Variants in FAM193A observed in about 807,000 individuals in gnomAD.
FAM193A encodes protein FAM193A.
Under a neutral mutation model 126.5 loss-of-function variants are expected in FAM193A, and 22 were observed. The observed-to-expected ratio is 0.17, with a 90% CI of 0.12 to 0.25. FAM193A has a LOEUF of 0.25. Among genes scored for constraint, FAM193A ranks in the 10% least tolerant of loss-of-function variants. FAM193A has a pLI of 1.00. For synonymous variants in FAM193A, 761 were observed against 646.8 expected (o/e 1.18, Z -2.68); for missense variants, 1,675 against 1,672.8 (o/e 1.00, Z -0.02).
intron 7 of FAM193A, among the ~76,000 whole-genome samples, chr4:2,649,243 G>A (rs113483738): frequency 6.7e-4 from 102 of 151,690 alleles, no homozygotes; most frequent in African/African-American, 2.4e-3. Flanking sequence ...GCTGGGTGCC[G>A]TGTGTTTGTG....
chr4:2,720,525 AC>A lies in FAM193A; in HGVS notation c.4454+4423del, dbSNP rs557720822. ...TAATTAGCCAGGTGTGGTGACATGC[AC>A]CTGTGGTCCCAGCTACTCAGGAGGC... is the stretch of plus-strand genomic sequence containing the variant. On this transcript the variant is annotated intron_variant, in intron 20 of 20. Coordinates refer to ENST00000637812, the MANE Select transcript of FAM193A (RefSeq NM_001366318.2). 7.9e-5 allele frequency among the ~76,000 whole-genome samples: 12 copies of A among 151,922 alleles called. No homozygotes were observed. In the South Asian group the frequency reaches 2.5e-3, roughly 32 times the overall value.
At chr4:2,703,631 C>G (rs1717981202) in intron 19 of FAM193A, among the ~76,000 whole-genome samples, 1 of 152,036 alleles carries the variant, frequency 6.6e-6, no homozygotes, top group African/African-American at 2.4e-5. Flanking sequence ...GGAGGTGTTT[C>G]CTTGGAGCAC....
intron 12 of FAM193A, among the ~76,000 whole-genome samples, 172 bp downstream of exon 12, chr4:2,663,460 C>T (rs770127674): frequency 4.6e-5 from 7 of 151,984 alleles, no homozygotes; most frequent in Admixed American, 6.6e-5. Flanking sequence ...TTTTCTTGCT[C>T]GAATATCAAT....
Position 2,689,518 on chromosome 4 carries a change from G to A in FAM193A, c.2344G>A (p.Ala782Thr). The A allele has an allele frequency of 6.5e-7, 1 of 1,549,726 alleles. No homozygotes were observed. The highest frequency in any genetic ancestry group is 1.3e-5 in the South Asian group (1 of 78,346). Reference sequence around the variant, plus strand: ...TTTTTTTTTGTAGGCTTTACCGCCAGCACCTGTTCAGAATCACACAAATAA... The same window carrying A: ...TTTTTTTTTGTAGGCTTTACCGCCAACACCTGTTCAGAATCACACAAATAA... ...PFTHSKALPP[A>T]PVQNHTNKHQ... The change falls in exon 14 of 21, where the codon GCA (alanine) becomes ACA (threonine). Residue 782 changes from alanine to threonine, a missense_variant. By Grantham distance (58) the Ala-to-Thr change is moderately conservative (BLOSUM62 0). Transcript: ENST00000637812.
chr4:2,570,047 T>G (rs550930214), intron 1 of FAM193A, among the ~76,000 whole-genome samples: 1 of 140,422 alleles, frequency 7.1e-6, no homozygotes, highest in South Asian at 2.1e-4. Flanking sequence ...TCTGGAGGTT[T>G]TCACATCTAA....
intron 2 of FAM193A, among the ~76,000 whole-genome samples, chr4:2,599,395 G>T (rs533725165): frequency 1.9e-4 from 29 of 152,182 alleles, no homozygotes; most frequent in Non-Finnish European, 2.2e-4. Flanking sequence ...TTTATCAATT[G>T]TCCTGCTCTG....
intron 7 of FAM193A, among the ~76,000 whole-genome samples, chr4:2,650,750 A>T (rs927602850): frequency 5.9e-5 from 9 of 152,144 alleles, no homozygotes; most frequent in African/African-American, 2.2e-4. Context: ...GAAACCTCCC[A>T]AGTGCATAGG....
intron 1 of FAM193A, among the ~76,000 whole-genome samples, chr4:2,581,424 T>G (rs1739933623): frequency 6.6e-6 from 1 of 151,174 alleles, no homozygotes; most frequent in African/African-American, 2.4e-5. Context: ...TGGCTGATTT[T>G]TTTGTATTTT....
chr4:2,569,613 T>C (rs1376130432), intron 1 of FAM193A, among the ~76,000 whole-genome samples: 2 of 152,064 alleles, frequency 1.3e-5, no homozygotes, highest in African/African-American at 2.4e-5. Context: ...TCCTCCTGCC[T>C]CTGCCTCCCG....
intron 2 of FAM193A, among the ~76,000 whole-genome samples, chr4:2,617,207 T>G (rs1742244900): frequency 7.5e-6 from 1 of 134,092 alleles, no homozygotes; most frequent in Non-Finnish European, 1.6e-5. Flanking sequence ...AGAATATTTT[T>G]TGACCCATGT....
At chr4:2,645,034 A>ATGTGTGTGTG (rs3221482) in intron 6 of FAM193A, among the ~76,000 whole-genome samples, 1 of 149,378 alleles carries the variant, frequency 6.7e-6, no homozygotes, top group Non-Finnish European at 1.5e-5. Flanking sequence ...ATATACATGA[A>ATGTGTGTGTG]TGTGTGTGTG....
chr4:2,716,233 C>A, intron 20 of FAM193A, 129 bp downstream of exon 20: 1 of 694,062 alleles, frequency 1.4e-6, no homozygotes, highest in Non-Finnish European at 2.6e-6. Context: ...GACAACATGG[C>A]TTCTGAAGAG....
At chr4:2,622,695 A>G (rs1051081616) in intron 2 of FAM193A, among the ~76,000 whole-genome samples, 6 of 152,152 alleles carry the variant, frequency 3.9e-5, no homozygotes, top group Non-Finnish European at 8.8e-5. Context: ...GGAAGGGCCA[A>G]GCTTTGGTTC....
Position 2,689,492 on chromosome 4 carries a change from A to ATT in FAM193A, c.2332-6_2332-5dup. ...ATTAATTTTGATATGTGATTAGAAA[A>ATT]TTTTTTTTTGTAGGCTTTACCGCCA... On this transcript the variant is annotated splice_polypyrimidine_tract_variant and intron_variant, in intron 13 of 20. Coordinates refer to ENST00000637812, the MANE Select transcript of FAM193A (RefSeq NM_001366318.2). 6.5e-7 allele frequency: 1 copy of ATT among 1,533,504 alleles called. No homozygotes were observed. The highest frequency in any genetic ancestry group is 8.7e-7 in the Non-Finnish European group (1 of 1,147,174). The allele number at this position is 1,533,504 out of a possible 1,614,324, so 95.0% of individuals were successfully genotyped here.
intron 2 of FAM193A, among the ~76,000 whole-genome samples, chr4:2,601,691 C>G (rs189791320): frequency 6.6e-6 from 1 of 150,878 alleles, no homozygotes; most frequent in Non-Finnish European, 1.5e-5. Context: ...GAGTTCAAGA[C>G]CAACCTGGCT....
At chr4:2,642,688 G>T (rs1744756331) in intron 6 of FAM193A, among the ~76,000 whole-genome samples, 1 of 151,678 alleles carries the variant, frequency 6.6e-6, no homozygotes, top group African/African-American at 2.4e-5. Flanking sequence ...CTGTCAGACT[G>T]TGGGTGGGTG....
At chr4:2,648,833 C>T (rs908634297) in intron 7 of FAM193A, among the ~76,000 whole-genome samples, 4 of 152,198 alleles carry the variant, frequency 2.6e-5, no homozygotes, top group Admixed American at 6.5e-5. Context: ...TGGGCATCTT[C>T]GGCAGAGGCT....
intron 1 of FAM193A, among the ~76,000 whole-genome samples, chr4:2,562,868 T>C (rs1171043190): frequency 6.6e-6 from 1 of 151,916 alleles, no homozygotes; most frequent in East Asian, 1.9e-4. Flanking sequence ...GACCTCATGA[T>C]CTGCTCGCCT....
At chr4:2,552,008 A>ATT (rs71178476) in intron 1 of FAM193A, among the ~76,000 whole-genome samples, 4,468 of 111,646 alleles carry the variant, frequency 0.04, 349 homozygotes, top group African/African-American at 0.12. Context: ...GTCTGGGTAA[A>ATT]TTTTTTTTTT....
Sources: gnomAD v4.1 joint callset for allele counts (sites outside exome capture counted in the v4.1 genomes callset) on GRCh38, gnomAD v4.1.1 for gene constraint, MANE v1.5 for transcripts, NCBI Gene and HGNC (gene_info 2026-07-23, HGNC 2026-07-21) for gene names.